The following ATXN1 variants were observed in gnomAD, a reference collection of about 807,000 sequenced individuals.
ATXN1 encodes the protein ataxin-1.
A neutral mutation model predicts 56.4 loss-of-function variants in ATXN1; 8 were observed. The observed-to-expected ratio is 0.14, with a 90% CI of 0.08 to 0.26. The LOEUF (loss-of-function observed/expected upper bound fraction) is 0.26. Among genes scored for constraint, ATXN1 ranks in the 10% least tolerant of loss-of-function variants. The probability of loss-of-function intolerance (pLI) is 1.00; values close to 1 mark genes in which losing one functional copy is unlikely to be tolerated. For synonymous variants in ATXN1, 514 were observed against 494.6 expected, an observed-to-expected ratio of 1.04 and a Z score of -0.52; for missense variants, 987 against 1,106.5, an observed-to-expected ratio of 0.89 and a Z score of 1.53.
chr6:16,606,865 A>AG lies in ATXN1; in HGVS notation c.-488-20959dup, dbSNP rs1334513026. ...TTGGGGGAAAGTATACAGTTCCATGAGTTGTGTGTGTGTGTGTGTGTGTTG... is the reference window on the plus strand; with the variant it reads ...TTGGGGGAAAGTATACAGTTCCATGAGGTTGTGTGTGTGTGTGTGTGTGTTG... On this transcript the variant is annotated intron_variant, in intron 3 of 7. Coordinates refer to ENST00000436367, the MANE Select transcript of ATXN1 (RefSeq NM_001128164.2). Among the ~76,000 whole-genome samples the AG allele has an allele frequency of 8.5e-3, 199 of 23,338 alleles. No individual in the cohort carries two copies. The East Asian group carries it at 0.14, about 16-fold the overall frequency. 15.3% of individuals were successfully genotyped at this position (23,338 alleles called of 152,430 possible). A position where few individuals can be genotyped will look rare whatever the true frequency, so the allele number is the denominator to read the frequency against.
chr6:16,395,148 G>A (rs1255250334), intron 6 of ATXN1, among the ~76,000 whole-genome samples: 1 of 151,600 alleles, frequency 6.6e-6, no homozygotes, highest in Non-Finnish European at 1.5e-5. Flanking sequence ...GCTCATGCCT[G>A]TAATCACACT....
chr6:16,701,823 C>T (rs555930271), intron 2 of ATXN1, among the ~76,000 whole-genome samples: 60 of 151,854 alleles, frequency 4.0e-4, no homozygotes, highest in Non-Finnish European at 6.3e-4. Context: ...CACTGCTCAA[C>T]GAAATAAAAG....
intron 3 of ATXN1, among the ~76,000 whole-genome samples, chr6:16,650,026 G>A (rs1224687936): frequency 6.6e-6 from 1 of 151,568 alleles, no homozygotes; most frequent in African/African-American, 2.4e-5. Context: ...TAAACTTTCT[G>A]GGCTCAAGAA....
intron 4 of ATXN1, among the ~76,000 whole-genome samples, chr6:16,538,106 CAAG>C (rs1761640261): frequency 2.0e-5 from 3 of 152,202 alleles, no homozygotes; most frequent in Non-Finnish European, 4.4e-5. Flanking sequence ...TCCACCGGCA[CAAG>C]AAATATGTCC....
chr6:16,486,998 T>C (rs969924756), intron 5 of ATXN1, among the ~76,000 whole-genome samples: 1 of 152,182 alleles, frequency 6.6e-6, no homozygotes, highest in Admixed American at 6.5e-5. Context: ...AAAAGACTTA[T>C]TCATATCCTG....
intron 6 of ATXN1, among the ~76,000 whole-genome samples, chr6:16,403,323 T>G (rs371461626): frequency 2.0e-5 from 3 of 152,278 alleles, no homozygotes; most frequent in African/African-American, 7.2e-5. Context: ...TTTATGCGTT[T>G]TCTAAGAAGA....
At chr6:16,726,793 G>A (rs1759860246) in intron 2 of ATXN1, among the ~76,000 whole-genome samples, 1 of 152,146 alleles carries the variant, frequency 6.6e-6, no homozygotes, top group African/African-American at 2.4e-5. Context: ...GGGAGGTGGA[G>A]GTTGCAGTGA....
At chr6:16,431,613 T>A (rs1331067762) in intron 6 of ATXN1, among the ~76,000 whole-genome samples, 1 of 152,196 alleles carries the variant, frequency 6.6e-6, no homozygotes, top group Non-Finnish European at 1.5e-5. Flanking sequence ...ATTTAACTAT[T>A]TTCCAGGGAG....
At chr6:16,578,687 AAGAC>A (rs1009423941) in intron 4 of ATXN1, among the ~76,000 whole-genome samples, 2 of 152,222 alleles carry the variant, frequency 1.3e-5, no homozygotes, top group Non-Finnish European at 2.9e-5. Context: ...TAGCTTTAAA[AAGAC>A]AGATCCATTT....
chr6:16,431,310 G>A (rs1240146338), intron 6 of ATXN1, among the ~76,000 whole-genome samples: 1 of 152,140 alleles, frequency 6.6e-6, no homozygotes, highest in Non-Finnish European at 1.5e-5. Context: ...ATTCTGCTGG[G>A]GGGGATGTCT....
intron 5 of ATXN1, among the ~76,000 whole-genome samples, chr6:16,491,157 C>T (rs1370798407): frequency 4.3e-5 from 6 of 138,190 alleles, no homozygotes; most frequent in African/African-American, 1.4e-4. Flanking sequence ...AGCAGTGGCA[C>T]GGTCTCACTC....
At chr6:16,473,853 T>A (rs183860175) in intron 6 of ATXN1, among the ~76,000 whole-genome samples, 19 of 152,336 alleles carry the variant, frequency 1.2e-4, no homozygotes, top group Non-Finnish European at 2.4e-4. Context: ...GTCAAGTCCT[T>A]CCATCTTCTC....
intron 2 of ATXN1, among the ~76,000 whole-genome samples, chr6:16,741,894 G>T (rs1760352304): frequency 6.6e-6 from 1 of 152,156 alleles, no homozygotes; most frequent in Admixed American, 6.5e-5. Flanking sequence ...AAATAGTACG[G>T]TTCATTTGGA....
intron 3 of ATXN1, among the ~76,000 whole-genome samples, chr6:16,637,796 T>C (rs1763627411): frequency 6.6e-6 from 1 of 152,204 alleles, no homozygotes; most frequent in Admixed American, 6.5e-5. Context: ...TGGGGGGCGA[T>C]TCCCAGAAAT....
Position 16,308,321 on chromosome 6 carries a change from G to GTC in ATXN1, c.1918-1464_1918-1463dup, listed in dbSNP as rs199934662. On this transcript the variant is annotated intron_variant, in intron 7 of 7. Transcript: ENST00000436367. Reference sequence around the variant, plus strand: ...AGCCTGGGCGACAGAGTGAAACTCCGTCACACACACACACACACACACACA... The same window carrying GTC: ...AGCCTGGGCGACAGAGTGAAACTCCGTCTCACACACACACACACACACACACA... Among the ~76,000 whole-genome samples, 724 of 84,384 alleles carry GTC rather than the reference G, an allele frequency of 8.6e-3. 11 individuals are homozygous for GTC. In the East Asian group the frequency reaches 0.13, roughly 15 times the overall value. The allele number at this position is 84,384 out of a possible 152,430, so 55.4% of individuals were successfully genotyped here. A position where few individuals can be genotyped will look rare whatever the true frequency, so the allele number is the denominator to read the frequency against.
At chr6:16,455,033 G>A (rs1043172057) in intron 6 of ATXN1, among the ~76,000 whole-genome samples, 1 of 152,196 alleles carries the variant, frequency 6.6e-6, no homozygotes, top group African/African-American at 2.4e-5. Context: ...CTTGAGGTCA[G>A]GAAACATGTG....
chr6:16,735,888 A>T (rs550317004), intron 2 of ATXN1, among the ~76,000 whole-genome samples: 6 of 152,356 alleles, frequency 3.9e-5, no homozygotes, highest in Admixed American at 1.3e-4. Context: ...TCAAAGATTA[A>T]TCTGTTTGAA....
chr6:16,406,095 G>A (rs948849585), intron 6 of ATXN1, among the ~76,000 whole-genome samples: 3 of 152,150 alleles, frequency 2.0e-5, no homozygotes, highest in Admixed American at 6.5e-5. Flanking sequence ...ATTGTTCAAC[G>A]TGAGGTCTTA....
intron 2 of ATXN1, chr6:16,739,627 T>C (rs977280542): frequency 9.4e-6 from 3 of 319,084 alleles, no homozygotes; most frequent in South Asian, 4.8e-5. Context: ...AGGCAGAACA[T>C]TTAACATCGT....
Sources: allele counts gnomAD v4.1 joint callset (sites outside exome capture counted in the v4.1 genomes callset), GRCh38; gene constraint gnomAD v4.1.1; transcripts MANE v1.5; gene names NCBI Gene and HGNC (gene_info 2026-07-23, HGNC 2026-07-21).